Variants in CACNA2D3 observed in about 807,000 individuals in gnomAD.
The protein encoded by CACNA2D3 is calcium voltage-gated channel auxiliary subunit alpha2delta 3.
A neutral mutation model predicts 160.6 loss-of-function variants in CACNA2D3; 60 were observed. That is an observed-to-expected ratio of 0.37 (90% CI 0.30 to 0.46). CACNA2D3 has a LOEUF of 0.46. CACNA2D3 is among the 20% of genes least tolerant of loss of function. The pLI is 1.00. For synonymous variants in CACNA2D3, 558 were observed against 492.9 expected (o/e 1.13, Z -1.75); for missense variants, 1,205 against 1,365.0 (o/e 0.88, Z 1.85).
intron 2 of CACNA2D3, among the ~76,000 whole-genome samples, chr3:54,160,841 A>C (rs1346521014): frequency 6.6e-6 from 1 of 152,210 alleles, no homozygotes; most frequent in African/African-American, 2.4e-5. Flanking sequence ...TATGAGTTTT[A>C]TGTTATTTTT....
intron 27 of CACNA2D3, among the ~76,000 whole-genome samples, chr3:54,947,328 C>A (rs59243268): frequency 0.01 from 1,561 of 152,242 alleles, 30 homozygotes; most frequent in African/African-American, 0.036. Context: ...ATCTTCCAAG[C>A]AGTGCTAATG....
intron 4 of CACNA2D3, among the ~76,000 whole-genome samples, chr3:54,466,591 G>A (rs1469772184): frequency 9.9e-5 from 15 of 152,012 alleles, no homozygotes; most frequent in Admixed American, 9.8e-4. Context: ...ATTTTTTTCA[G>A]GGGCCTGGGC....
In CACNA2D3 at chr3:54,478,660, G is replaced by GTGTATATATATATATATTGATATATA; in HGVS notation, c.382-24831_382-24830insGTATATATATATATATTGATATATAT. ...AAAATATATATATAAATATGTGTGT[G>GTGTATATATATATATATTGATATATA]TATATATATATATATATATTGCTTG... On this transcript the variant is annotated intron_variant, in intron 4 of 37. Transcript: ENST00000474759. Among the ~76,000 whole-genome samples, 12 of 36,376 alleles carry GTGTATATATATATATATTGATATATA rather than the reference G, an allele frequency of 3.3e-4. 1 individual carries two copies. The highest frequency in any genetic ancestry group is 7.5e-4 in the Admixed American group (2 of 2,658). 23.9% of individuals were successfully genotyped at this position (36,376 alleles called of 152,430 possible).
intron 5 of CACNA2D3, among the ~76,000 whole-genome samples, chr3:54,517,159 C>T (rs1287778113): frequency 6.6e-6 from 1 of 152,192 alleles, no homozygotes; most frequent in East Asian, 1.9e-4. Flanking sequence ...GTTATTTCTT[C>T]AAGTGTGAAT....
At chr3:54,864,211 T>A (rs1227958513) in intron 17 of CACNA2D3, among the ~76,000 whole-genome samples, 1 of 152,092 alleles carries the variant, frequency 6.6e-6, no homozygotes, top group Admixed American at 6.5e-5. Context: ...GAGTAAGATA[T>A]TGTAAGTTGG....
rs567024819 is a variant in CACNA2D3, at chr3:54,821,582, C to T, written c.1398+4712C>T. 2.5e-4 allele frequency among the ~76,000 whole-genome samples: 38 copies of T among 152,146 alleles called. No homozygotes were observed. In the South Asian group the frequency reaches 7.7e-3, roughly 31 times the overall value. On this transcript the variant is annotated intron_variant, in intron 14 of 37. Coordinates refer to ENST00000474759, the MANE Select transcript of CACNA2D3 (RefSeq NM_018398.3). ...AATCTATTTGCATTTTCTTTGTTTC[C>T]TTGTTTATATTATATTTTGGAGGAA... is the stretch of plus-strand genomic sequence containing the variant.
chr3:54,857,192 TG>T (rs1367293217), intron 17 of CACNA2D3, among the ~76,000 whole-genome samples: 1 of 152,164 alleles, frequency 6.6e-6, no homozygotes, highest in East Asian at 1.9e-4. Context: ...GTGAATATGC[TG>T]GGTTCTGGAA....
intron 4 of CACNA2D3, among the ~76,000 whole-genome samples, chr3:54,477,429 A>G (rs1488353403): frequency 6.6e-6 from 1 of 152,082 alleles, no homozygotes; most frequent in Non-Finnish European, 1.5e-5. Context: ...CTTAACAGTC[A>G]TCACTTCCTC....
At chr3:54,310,913 C>T (rs955884378) in intron 2 of CACNA2D3, among the ~76,000 whole-genome samples, 5 of 152,182 alleles carry the variant, frequency 3.3e-5, no homozygotes, top group Non-Finnish European at 7.3e-5. Context: ...CAACTTGTTA[C>T]GTGGCTAGTA....
chr3:54,628,722 A>C (rs1195728017), intron 10 of CACNA2D3, among the ~76,000 whole-genome samples: 1 of 152,204 alleles, frequency 6.6e-6, no homozygotes, highest in Non-Finnish European at 1.5e-5. Flanking sequence ...TTGATGGCAT[A>C]AGGGATGGAA....
chr3:54,149,917 CT>C (rs1700109296), intron 2 of CACNA2D3, among the ~76,000 whole-genome samples: 2 of 91,460 alleles, frequency 2.2e-5, no homozygotes, highest in Non-Finnish European at 2.3e-5. Context: ...CTCTCTCTCT[CT>C]CTCTCTCTCT....
chr3:54,460,991 G>A (rs1332997619), intron 4 of CACNA2D3, among the ~76,000 whole-genome samples: 1 of 150,446 alleles, frequency 6.6e-6, no homozygotes, highest in African/African-American at 2.5e-5. Flanking sequence ...ATGAAGAGTT[G>A]TTGAATTTTG....
chr3:54,611,884 C>T (rs1316870348), intron 9 of CACNA2D3, among the ~76,000 whole-genome samples: 1 of 152,192 alleles, frequency 6.6e-6, no homozygotes, highest in Admixed American at 6.5e-5. Flanking sequence ...AGCACACATA[C>T]TGTTAAAGGG....
chr3:54,316,757 A>G (rs1420962535), intron 2 of CACNA2D3, among the ~76,000 whole-genome samples: 3 of 152,204 alleles, frequency 2.0e-5, no homozygotes, highest in Admixed American at 6.5e-5. Context: ...TCAGAAGAAA[A>G]AAGTGGGATA....
At chr3:54,208,046 TAA>T (rs1182941261) in intron 2 of CACNA2D3, among the ~76,000 whole-genome samples, 1 of 152,200 alleles carries the variant, frequency 6.6e-6, no homozygotes, top group East Asian at 1.9e-4. Context: ...CTTACTTTTC[TAA>T]AATGGGTGAG....
chr3:54,770,089 C>T (rs957355947), intron 13 of CACNA2D3, among the ~76,000 whole-genome samples: 4 of 152,198 alleles, frequency 2.6e-5, no homozygotes, highest in Admixed American at 2.6e-4. Flanking sequence ...AAAATACTTG[C>T]TGCCGACACT....
rs569633431 is a variant in CACNA2D3, at chr3:55,010,894, T to G, written c.2875+1451T>G. On this transcript the variant is annotated intron_variant, in intron 34 of 37. Coordinates refer to ENST00000474759, the MANE Select transcript of CACNA2D3 (RefSeq NM_018398.3). The stretch of plus-strand genomic sequence containing the variant: ...GTGTTTTACACTAACCTAGAATTTC[T>G]TGATGGTAGGAGCTGTGTCTTAAAC... Among the ~76,000 whole-genome samples the G allele has an allele frequency of 3.3e-5, 5 of 152,354 alleles. No individual in the cohort carries two copies. The South Asian group carries it at 1.0e-3, about 32-fold the overall frequency.
chr3:54,438,376 T>G (rs1435687274), intron 4 of CACNA2D3, among the ~76,000 whole-genome samples: 1 of 152,230 alleles, frequency 6.6e-6, no homozygotes, highest in African/African-American at 2.4e-5. Context: ...GTGATTTACC[T>G]TTACCAACCA....
chr3:54,895,559 A>G (rs1365039588), intron 25 of CACNA2D3, among the ~76,000 whole-genome samples: 2 of 152,210 alleles, frequency 1.3e-5, no homozygotes, highest in Non-Finnish European at 2.9e-5. Flanking sequence ...CAGGAAACCA[A>G]CCAGTTACAA....
Sources: gnomAD v4.1 joint callset for allele counts (sites outside exome capture counted in the v4.1 genomes callset) on GRCh38, gnomAD v4.1.1 for gene constraint, MANE v1.5 for transcripts, NCBI Gene and HGNC (gene_info 2026-07-23, HGNC 2026-07-21) for gene names.